Variants in WAC observed in about 807,000 individuals in gnomAD.
The protein encoded by WAC is WW domain containing adaptor with coiled-coil, also known as WW domain-containing adapter protein with coiled-coil.
WAC carries 11 observed loss-of-function variants against 79.6 expected under a neutral mutation model. The ratio of observed to expected loss-of-function variants is 0.14; its 90% CI spans 0.09 to 0.23. The LOEUF (loss-of-function observed/expected upper bound fraction) is 0.23. WAC is among the 10% of genes least tolerant of loss of function. The pLI is 1.00. For synonymous variants in WAC, 304 were observed against 276.9 expected (o/e 1.10, Z -0.97); for missense variants, 728 against 773.5 (o/e 0.94, Z 0.70).
intron 3 of WAC, among the ~76,000 whole-genome samples, chr10:28,566,492 C>T (rs1166786900): frequency 1.3e-5 from 2 of 152,138 alleles, no homozygotes; most frequent in Non-Finnish European, 1.5e-5. Flanking sequence ...ACTGTCAGTC[C>T]TCAAAGTACA....
chr10:28,596,513 C>T (rs1287630382), intron 7 of WAC, among the ~76,000 whole-genome samples: 2 of 152,138 alleles, frequency 1.3e-5, no homozygotes, highest in African/African-American at 4.8e-5. Context: ...GTGTTAATGT[C>T]TGAATTGGAC....
intron 7 of WAC, among the ~76,000 whole-genome samples, chr10:28,599,773 GAGAAC>G (rs1333030461): frequency 6.6e-6 from 1 of 152,272 alleles, no homozygotes; most frequent in East Asian, 1.9e-4. Context: ...TATTTTTGCA[GAGAAC>G]AGTCTTGATG....
chr10:28,600,978 A>G (rs1341265906), intron 7 of WAC, among the ~76,000 whole-genome samples: 1 of 152,080 alleles, frequency 6.6e-6, no homozygotes, highest in Non-Finnish European at 1.5e-5. Context: ...TTAAGAACTA[A>G]AACACCGAGG....
rs545195117 is a variant in WAC, at chr10:28,614,851, A to G, written c.1556+166A>G. ...TTACAAAGACAAACCTGTATACAAG[A>G]GGTAGGTTATTGTCTCTAGTAGTGA... On this transcript the variant is annotated intron_variant, in intron 11 of 13. Coordinates refer to ENST00000354911, the MANE Select transcript of WAC (RefSeq NM_016628.5). 5.1e-5 allele frequency: 27 copies of G among 531,574 alleles called. No individual in the cohort carries two copies. The South Asian group carries it at 7.3e-4, about 14-fold the overall frequency. 32.9% of individuals were successfully genotyped at this position (531,574 alleles called of 1,614,324 possible). A position where few individuals can be genotyped will look rare whatever the true frequency, so the allele number is the denominator to read the frequency against.
At chr10:28,563,195 G>T (rs185901965) in intron 3 of WAC, among the ~76,000 whole-genome samples, 5 of 152,170 alleles carry the variant, frequency 3.3e-5, no homozygotes, top group African/African-American at 1.2e-4. Context: ...GTGAGTCACC[G>T]CATGTGGCCG....
chr10:28,557,990 C>T (rs973523233), intron 3 of WAC, among the ~76,000 whole-genome samples: 27 of 152,220 alleles, frequency 1.8e-4, no homozygotes, highest in Admixed American at 4.6e-4. Context: ...AAGAGAATTG[C>T]TTGAACCCAG....
In WAC at chr10:28,535,773, G is replaced by A. The variant is rs1836621702; in HGVS notation, c.274+16G>A. 1 of 1,585,544 alleles carries A rather than the reference G, an allele frequency of 6.3e-7. No homozygotes were observed. The highest frequency in any genetic ancestry group is 8.6e-7 in the Non-Finnish European group (1 of 1,163,928). ...AGGGATGGTGGTGAGTATCTTTCTT[G>A]TTGAAACTTTGACATACAGTTTTAA... On this transcript the variant is annotated intron_variant, in intron 3 of 13. Transcript: ENST00000354911.
intron 3 of WAC, among the ~76,000 whole-genome samples, chr10:28,568,255 C>G (rs1217079103): frequency 6.6e-6 from 1 of 152,192 alleles, no homozygotes; most frequent in Non-Finnish European, 1.5e-5. Flanking sequence ...CTGTCGGATT[C>G]ATCTGAGTTG....
Position 28,579,765 on chromosome 10 carries a change from T to C in WAC, c.275-3634T>C, listed in dbSNP as rs141366218. On this transcript the variant is annotated intron_variant, in intron 3 of 13. Transcript: ENST00000354911. ...GAGAAAGTAAGAGGCTCAAATGAAA[T>C]ACCAAAGAAAGTATGTAAGGTAATA... 2.9e-3 allele frequency among the ~76,000 whole-genome samples: 445 copies of C among 152,260 alleles called. 4 individuals are homozygous for C. The highest frequency in any genetic ancestry group is 0.013 in the South Asian group (64 of 4,830).
chr10:28,548,692 G>A (rs1216971970), intron 3 of WAC, among the ~76,000 whole-genome samples: 1 of 152,066 alleles, frequency 6.6e-6, no homozygotes, highest in Non-Finnish European at 1.5e-5. Context: ...GTGTTACTGG[G>A]TTCCTCAGAT....
chr10:28,600,650 T>C (rs1840596642), intron 7 of WAC, among the ~76,000 whole-genome samples: 1 of 152,126 alleles, frequency 6.6e-6, no homozygotes, highest in African/African-American at 2.4e-5. Context: ...ATATTGTTTG[T>C]AATTTGAGGG....
At chr10:28,595,555 T>C (rs1247050277) in intron 6 of WAC, among the ~76,000 whole-genome samples, 178 bp from the exon 7 acceptor site, 2 of 152,206 alleles carry the variant, frequency 1.3e-5, no homozygotes, top group Non-Finnish European at 2.9e-5. Flanking sequence ...CAGTATTGCA[T>C]ATTTACATGC....
At chr10:28,603,933 C>CAAAAAAAAAAA (rs1312613029) in intron 7 of WAC, among the ~76,000 whole-genome samples, 4 of 17,980 alleles carry the variant, frequency 2.2e-4, no homozygotes, top group Non-Finnish European at 2.7e-4. Context: ...GACTCCGTCT[C>CAAAAAAAAAAA]AAAAAAAAAA....
At chr10:28,585,779 T>C (rs1785687157) in intron 4 of WAC, among the ~76,000 whole-genome samples, 1 of 151,236 alleles carries the variant, frequency 6.6e-6, no homozygotes. Context: ...TGGGCATTGT[T>C]TTTTTTTTAT....
At chr10:28,571,187 C>A (rs1358887081) in intron 3 of WAC, among the ~76,000 whole-genome samples, 1 of 151,946 alleles carries the variant, frequency 6.6e-6, no homozygotes, top group Non-Finnish European at 1.5e-5. Flanking sequence ...ACCTTGGCCT[C>A]CCAGAGTGCT....
chr10:28,560,149 C>A (rs1838222770), intron 3 of WAC, among the ~76,000 whole-genome samples: 2 of 151,850 alleles, frequency 1.3e-5, no homozygotes, highest in South Asian at 4.2e-4. Flanking sequence ...CGAGACCAGG[C>A]TAGGCAACAT....
Position 28,621,597 on chromosome 10 carries a change from T to A in WAC, c.*1991T>A, listed in dbSNP as rs1057478497. ...ATACCTCTGTGAGATTGTTAACATC[T>A]GCTGAATTTAACTAGTGCATGTAAA... is the stretch of plus-strand genomic sequence containing the variant. On this transcript the variant is annotated 3_prime_UTR_variant, in exon 14 of 14. Coordinates refer to ENST00000354911, the MANE Select transcript of WAC (RefSeq NM_016628.5). The A allele has an allele frequency of 1.3e-5, 2 of 152,236 alleles. No homozygotes were observed. The highest frequency in any genetic ancestry group is 1.3e-4 in the Admixed American group (2 of 15,286). The allele number at this position is 152,236 out of a possible 1,614,324, so 9.4% of individuals were successfully genotyped here.
intron 3 of WAC, among the ~76,000 whole-genome samples, chr10:28,536,136 C>T (rs1372794434): frequency 1.3e-5 from 2 of 151,454 alleles, no homozygotes; most frequent in East Asian, 1.9e-4. Context: ...AGTGCCAGCT[C>T]TTCAGGAAGC....
At position 28,598,563 on chromosome 10, in the gene WAC, CT is replaced by C. The variant is rs200492852; in HGVS notation, c.919+2524del. Among the ~76,000 whole-genome samples the C allele has an allele frequency of 1.4e-3, 215 of 152,220 alleles. 6 individuals are homozygous for C. The East Asian group carries it at 0.035, about 25-fold the overall frequency. On this transcript the variant is annotated intron_variant, in intron 7 of 13. Coordinates refer to ENST00000354911, the MANE Select transcript of WAC (RefSeq NM_016628.5). ...CTCCATGCAGTTTGATGCTAATTGT[CT>C]TATGTTCATTTTAGTTTATTCCTTA...
Sources: allele counts gnomAD v4.1 joint callset (sites outside exome capture counted in the v4.1 genomes callset), GRCh38; gene constraint gnomAD v4.1.1; transcripts MANE v1.5; gene names NCBI Gene and HGNC (gene_info 2026-07-23, HGNC 2026-07-21).